ARHGEF26: variants seen among roughly 807,000 people sequenced by gnomAD.
The protein encoded by ARHGEF26 is Rho guanine nucleotide exchange factor (GEF) 26.
ARHGEF26 carries 59 observed loss-of-function variants against 89.4 expected under a neutral mutation model. The ratio of observed to expected loss-of-function variants is 0.66; its 90% CI spans 0.54 to 0.82. The LOEUF is 0.82. ARHGEF26 is among the 40% of genes least tolerant of loss of function. ARHGEF26 has a pLI of 0.00. For missense variants in ARHGEF26, 1,234 were observed against 1,085.6 expected (o/e 1.14, Z -1.92); for synonymous variants, 500 against 428.4 (o/e 1.17, Z -2.06).
At chr3:154,237,171 G>A (rs1417719033) in intron 11 of ARHGEF26, among the ~76,000 whole-genome samples, 1 of 152,138 alleles carries the variant, frequency 6.6e-6, no homozygotes, top group African/African-American at 2.4e-5. Flanking sequence ...TTGCTTAAGA[G>A]AACAATTAAT....
chr3:154,188,814 A>T (rs1234076282), intron 7 of ARHGEF26, among the ~76,000 whole-genome samples: 1 of 145,366 alleles, frequency 6.9e-6, no homozygotes, highest in Admixed American at 7.2e-5. Flanking sequence ...TTTCCTCCAC[A>T]TCTTCATGAC....
chr3:154,238,973 A>T (rs1717287479), intron 11 of ARHGEF26, among the ~76,000 whole-genome samples: 1 of 152,078 alleles, frequency 6.6e-6, no homozygotes, highest in Non-Finnish European at 1.5e-5. Context: ...TGGTGAGTTA[A>T]ATAATGGTTG....
chr3:154,177,735 TC>T (rs2108154267), intron 6 of ARHGEF26, among the ~76,000 whole-genome samples: 1 of 152,292 alleles, frequency 6.6e-6, no homozygotes, highest in East Asian at 1.9e-4. Context: ...AGAACAGCTC[TC>T]TTTTATTGTG....
chr3:154,173,701 T>C (rs185890411), intron 6 of ARHGEF26, among the ~76,000 whole-genome samples: 29 of 152,314 alleles, frequency 1.9e-4, no homozygotes, highest in African/African-American at 6.5e-4. Flanking sequence ...ATTTTTGCAA[T>C]CTATTGCTTG....
intron 11 of ARHGEF26, among the ~76,000 whole-genome samples, chr3:154,237,952 A>G (rs1717222983): frequency 6.6e-6 from 1 of 152,154 alleles, no homozygotes; most frequent in Admixed American, 6.5e-5. Flanking sequence ...AAGAAGCCTC[A>G]GTTCATCCTC....
chr3:154,179,860 C>T (rs1484823266), intron 6 of ARHGEF26, among the ~76,000 whole-genome samples: 1 of 152,176 alleles, frequency 6.6e-6, no homozygotes, highest in Non-Finnish European at 1.5e-5. Flanking sequence ...TAACAAATTA[C>T]AACAAACTTA....
At chr3:154,165,841 G>A (rs145456414) in intron 6 of ARHGEF26, among the ~76,000 whole-genome samples, 91 of 152,140 alleles carry the variant, frequency 6.0e-4, no homozygotes, top group Middle Eastern at 3.4e-3. Context: ...ATTCTTTTTC[G>A]TACCATTGCT....
At chr3:154,153,946 C>G (rs1433550336) in intron 6 of ARHGEF26, among the ~76,000 whole-genome samples, 1 of 151,942 alleles carries the variant, frequency 6.6e-6, no homozygotes, top group Non-Finnish European at 1.5e-5. Context: ...TTGAAGAAAT[C>G]CGGTCATTTG....
intron 9 of ARHGEF26, among the ~76,000 whole-genome samples, chr3:154,210,235 T>A (rs1034048604): frequency 2.0e-5 from 3 of 152,114 alleles, no homozygotes; most frequent in Non-Finnish European, 4.4e-5. Flanking sequence ...CTTGGTGTTC[T>A]ACCTTCCTGT....
chr3:154,216,050 T>C (rs1715706075), intron 9 of ARHGEF26, among the ~76,000 whole-genome samples: 1 of 152,206 alleles, frequency 6.6e-6, no homozygotes, highest in East Asian at 1.9e-4. Context: ...ACCCAGTCTG[T>C]TTCCAACTAC....
At chr3:154,249,521 G>A (rs900812069) in intron 12 of ARHGEF26, among the ~76,000 whole-genome samples, 9 of 152,130 alleles carry the variant, frequency 5.9e-5, no homozygotes, top group Admixed American at 2.0e-4. Flanking sequence ...CTTTCTCTAC[G>A]TAGGTCAAAT....
At chr3:154,124,371 CCT>C in intron 2 of ARHGEF26, 37 bp from the exon 3 acceptor site, 4 of 977,568 alleles carry the variant, frequency 4.1e-6, no homozygotes, top group African/African-American at 2.5e-5. Context: ...GTTTGCTTTT[CCT>C]TTTTTTTTTT....
intron 9 of ARHGEF26, among the ~76,000 whole-genome samples, chr3:154,196,584 A>G (rs1028790438): frequency 2.2e-4 from 34 of 152,224 alleles, no homozygotes; most frequent in African/African-American, 8.2e-4. Context: ...TTATTTTTCT[A>G]ACATTTTTGT....
chr3:154,203,335 C>T (rs151189116), intron 9 of ARHGEF26, among the ~76,000 whole-genome samples: 2 of 152,056 alleles, frequency 1.3e-5, no homozygotes, highest in African/African-American at 2.4e-5. Context: ...GCCCTGCATC[C>T]CAGGGATGAA....
intron 6 of ARHGEF26, among the ~76,000 whole-genome samples, chr3:154,154,336 A>G (rs553533842): frequency 6.6e-6 from 1 of 152,208 alleles, no homozygotes; most frequent in Admixed American, 6.5e-5. Flanking sequence ...CTCAGTGAGT[A>G]CCAGCGTGCT....
intron 6 of ARHGEF26, among the ~76,000 whole-genome samples, chr3:154,170,285 C>G (rs1328756777): frequency 6.6e-6 from 1 of 152,058 alleles, no homozygotes; most frequent in Non-Finnish European, 1.5e-5. Flanking sequence ...TGCCTGAAAC[C>G]GGGAGAGGTC....
chr3:154,255,257 G>C, intron 14 of ARHGEF26, 74 bp from the exon 15 acceptor site: 1 of 1,505,078 alleles, frequency 6.6e-7, no homozygotes, highest in South Asian at 1.3e-5. Context: ...CTGCCTCTCA[G>C]CTTTTTCATA....
Position 154,174,114 on chromosome 3 carries a change from G to T in ARHGEF26, c.1488-13571G>T, listed in dbSNP as rs34474775. 7.1e-3 allele frequency among the ~76,000 whole-genome samples: 1,085 copies of T among 152,276 alleles called. 8 individuals are homozygous for T. The highest frequency in any genetic ancestry group is 0.011 in the Non-Finnish European group (747 of 68,024). On this transcript the variant is annotated intron_variant, in intron 6 of 14. Coordinates refer to ENST00000465093, the MANE Select transcript of ARHGEF26 (RefSeq NM_015595.4). ...ACAAGTTCAAATACCTGCCCTGGCAGCCAGGCCATATAGCTTAGTAAAGTA... is the reference window on the plus strand; with the variant it reads ...ACAAGTTCAAATACCTGCCCTGGCATCCAGGCCATATAGCTTAGTAAAGTA...
chr3:154,187,885 A>C, intron 7 of ARHGEF26, 48 bp downstream of exon 7: 1 of 1,483,408 alleles, frequency 6.7e-7, no homozygotes. Flanking sequence ...CCTAGTTTTA[A>C]TTAGGCTACA....
Sources: allele counts gnomAD v4.1 joint callset (sites outside exome capture counted in the v4.1 genomes callset), GRCh38; gene constraint gnomAD v4.1.1; transcripts MANE v1.5; gene names NCBI Gene and HGNC (gene_info 2026-07-23, HGNC 2026-07-21).